The following GPATCH2 variants were observed in gnomAD, a reference collection of about 807,000 sequenced individuals.
The protein encoded by GPATCH2 is G-patch domain containing 2, also known as G patch domain-containing protein 2.
GPATCH2 carries 51 observed loss-of-function variants against 58.0 expected under a neutral mutation model. The ratio of observed to expected loss-of-function variants is 0.88; its 90% CI spans 0.70 to 1.11. The LOEUF (loss-of-function observed/expected upper bound fraction) is 1.11, where lower values mean the gene tolerates loss of function less well. Among genes scored for constraint, GPATCH2 ranks in the 50% most tolerant of loss-of-function variants. GPATCH2 has a pLI of 0.00. For missense variants in GPATCH2, 625 were observed against 652.2 expected (o/e 0.96, Z 0.45); for synonymous variants, 222 against 218.5 (o/e 1.02, Z -0.14).
intron 5 of GPATCH2, among the ~76,000 whole-genome samples, chr1:217,602,860 C>T (rs1007240000): frequency 6.6e-6 from 1 of 152,136 alleles, no homozygotes; most frequent in Non-Finnish European, 1.5e-5. Flanking sequence ...AAATAACTCA[C>T]ACTTTGTAAC....
At chr1:217,556,540 G>C (rs1176008197) in intron 5 of GPATCH2, among the ~76,000 whole-genome samples, 1 of 152,150 alleles carries the variant, frequency 6.6e-6, no homozygotes, top group Non-Finnish European at 1.5e-5. Context: ...GCATCTAGCT[G>C]TAGATCATTT....
At chr1:217,460,917 A>C (rs913506336) in intron 8 of GPATCH2, among the ~76,000 whole-genome samples, 1 of 152,216 alleles carries the variant, frequency 6.6e-6, no homozygotes, top group Non-Finnish European at 1.5e-5. Flanking sequence ...GAGAGTCTAC[A>C]ATTTACTTGC....
In GPATCH2 at chr1:217,429,866, G is replaced by C. The variant is rs1658456701; in HGVS notation, c.*1279C>G. On this transcript the variant is annotated 3_prime_UTR_variant, in exon 10 of 10. Coordinates refer to ENST00000366935, the MANE Select transcript of GPATCH2 (RefSeq NM_018040.5). ...AAAAAAGAAACAAAAAAACTCTTTT[G>C]GAAAGTGACAAGATTTTAAAAACCC... The C allele has an allele frequency of 1.3e-5, 2 of 149,294 alleles. No individual in the cohort carries two copies. The highest frequency in any genetic ancestry group is 4.9e-5 in the African/African-American group (2 of 40,708). The allele number at this position is 149,294 out of a possible 1,614,324, so 9.2% of individuals were successfully genotyped here. A position where few individuals can be genotyped will look rare whatever the true frequency, so the allele number is the denominator to read the frequency against.
intron 6 of GPATCH2, among the ~76,000 whole-genome samples, chr1:217,512,884 C>T (rs1662923092): frequency 6.6e-6 from 1 of 152,196 alleles, no homozygotes; most frequent in African/African-American, 2.4e-5. Flanking sequence ...GGAAGAATAA[C>T]AAGTTAGGTT....
At chr1:217,509,365 C>CTA (rs1662726879) in intron 6 of GPATCH2, among the ~76,000 whole-genome samples, 1 of 152,066 alleles carries the variant, frequency 6.6e-6, no homozygotes, top group African/African-American at 2.4e-5. Context: ...AGCAACATGT[C>CTA]TACTGAAATA....
chr1:217,542,042 G>C (rs1664771035), intron 5 of GPATCH2, among the ~76,000 whole-genome samples: 1 of 152,138 alleles, frequency 6.6e-6, no homozygotes, highest in African/African-American at 2.4e-5. Context: ...AATGATGTAA[G>C]AACTTGCTTT....
At chr1:217,621,756 C>T (rs1018479606) in intron 1 of GPATCH2, among the ~76,000 whole-genome samples, 1 of 152,318 alleles carries the variant, frequency 6.6e-6, no homozygotes. Context: ...CAGCTTTCAA[C>T]TTTTGTCGTT....
intron 9 of GPATCH2, among the ~76,000 whole-genome samples, chr1:217,433,173 T>C (rs112986099): frequency 0.015 from 2,309 of 152,038 alleles, 54 homozygotes; most frequent in African/African-American, 0.052. Context: ...TGGAACTCTC[T>C]GTCCTACTCT....
At chr1:217,503,434 T>G (rs1229400494) in intron 6 of GPATCH2, among the ~76,000 whole-genome samples, 1 of 151,956 alleles carries the variant, frequency 6.6e-6, no homozygotes, top group African/African-American at 2.4e-5. Flanking sequence ...TTACAAAATG[T>G]AGTGGATGAT....
chr1:217,565,716 T>C (rs952796403), intron 5 of GPATCH2, among the ~76,000 whole-genome samples: 1 of 151,916 alleles, frequency 6.6e-6, no homozygotes, highest in African/African-American at 2.4e-5. Context: ...CTAAGGAATA[T>C]ATTTAAGGCT....
chr1:217,578,887 A>G (rs1666929387), intron 5 of GPATCH2, among the ~76,000 whole-genome samples: 1 of 152,346 alleles, frequency 6.6e-6, no homozygotes, highest in East Asian at 1.9e-4. Context: ...TTTTCTTCCT[A>G]GTGTGTGAAC....
intron 8 of GPATCH2, among the ~76,000 whole-genome samples, chr1:217,474,439 G>T (rs1165694761): frequency 1.3e-5 from 2 of 152,080 alleles, no homozygotes; most frequent in African/African-American, 4.8e-5. Flanking sequence ...TGTGAATGTG[G>T]CAAAAAAGGA....
intron 6 of GPATCH2, 75 bp from the exon 7 acceptor site, chr1:217,498,470 T>C: frequency 9.2e-7 from 1 of 1,087,220 alleles, no homozygotes; most frequent in Non-Finnish European, 1.4e-6. Flanking sequence ...GAGCCGCATG[T>C]GCTTTAAGAA....
intron 5 of GPATCH2, among the ~76,000 whole-genome samples, chr1:217,568,207 T>C (rs78580107): frequency 1.3e-5 from 2 of 152,204 alleles, no homozygotes; most frequent in African/African-American, 4.8e-5. Context: ...TATTTATATC[T>C]ACATGATGAA....
chr1:217,482,354 G>A (rs1007995919), intron 8 of GPATCH2, among the ~76,000 whole-genome samples: 1 of 152,200 alleles, frequency 6.6e-6, no homozygotes, highest in Non-Finnish European at 1.5e-5. Flanking sequence ...ATAAAGCAGG[G>A]AGAGGGGACA....
intron 5 of GPATCH2, among the ~76,000 whole-genome samples, chr1:217,579,976 T>G (rs1190956535): frequency 6.6e-6 from 1 of 152,184 alleles, no homozygotes; most frequent in East Asian, 1.9e-4. Flanking sequence ...GTTCAAAGTA[T>G]TAAACACACA....
At chr1:217,437,905 C>T (rs1343695323) in intron 9 of GPATCH2, among the ~76,000 whole-genome samples, 1 of 152,218 alleles carries the variant, frequency 6.6e-6, no homozygotes, top group African/African-American at 2.4e-5. Flanking sequence ...AATGCCTCCT[C>T]AAGTGGGTCC....
intron 8 of GPATCH2, among the ~76,000 whole-genome samples, chr1:217,478,509 A>G (rs1012821687): frequency 1.1e-4 from 16 of 152,342 alleles, no homozygotes; most frequent in African/African-American, 3.8e-4. Flanking sequence ...AGAAAGGATC[A>G]GTCTTTAAAA....
chr1:217,539,030 G>C (rs1242040211), intron 5 of GPATCH2, among the ~76,000 whole-genome samples: 5 of 152,124 alleles, frequency 3.3e-5, no homozygotes, highest in African/African-American at 7.2e-5. Context: ...GTGGGTGTTG[G>C]TATGGCATAT....
Sources: allele counts gnomAD v4.1 joint callset (sites outside exome capture counted in the v4.1 genomes callset), GRCh38; gene constraint gnomAD v4.1.1; transcripts MANE v1.5; gene names NCBI Gene and HGNC (gene_info 2026-07-23, HGNC 2026-07-21).